The following ANK2 variants were observed in gnomAD, a reference collection of about 807,000 sequenced individuals.
The protein encoded by ANK2 is ankyrin-2.
A neutral mutation model predicts 360.5 loss-of-function variants in ANK2; 83 were observed. The ratio of observed to expected loss-of-function variants is 0.23; its 90% confidence interval spans 0.19 to 0.28. The LOEUF is 0.28. Among genes scored for constraint, ANK2 ranks in the 10% least tolerant of loss-of-function variants. ANK2 has a pLI of 1.00. For synonymous variants in ANK2, 1,740 were observed against 1,759.5 expected (o/e 0.99, Z 0.28); for missense variants, 4,201 against 4,795.7 (o/e 0.88, Z 3.66).
At chr4:113,192,157 G>T (rs917516763) in intron 2 of ANK2, among the ~76,000 whole-genome samples, 1 of 152,054 alleles carries the variant, frequency 6.6e-6, no homozygotes, top group African/African-American at 2.4e-5. Context: ...GTGGTTTGCC[G>T]CATCTATCAA....
In ANK2 at chr4:113,228,019, C is replaced by T. The variant is rs374001441; in HGVS notation, c.385-4142C>T. ...AGTCACATTCATTTTTATCATTCTT[C>T]GCATTTGCTCCCCTATTCTGCTGGA... On this transcript the variant is annotated intron_variant, in intron 4 of 45. Transcript: ENST00000357077. Among the ~76,000 whole-genome samples the T allele has an allele frequency of 3.0e-4, 45 of 152,278 alleles. No individual in the cohort carries two copies. The South Asian group carries it at 7.7e-3, about 26-fold the overall frequency.
intron 1 of ANK2, among the ~76,000 whole-genome samples, chr4:113,067,559 T>C (rs1268825912): frequency 6.6e-6 from 1 of 152,154 alleles, no homozygotes; most frequent in Non-Finnish European, 1.5e-5. Flanking sequence ...TTAGGAACCA[T>C]CAGCATGGTG....
chr4:112,727,505 G>T, the ANK2 span, among the ~76,000 whole-genome samples: 1 of 151,228 alleles, frequency 6.6e-6, no homozygotes. Context: ...TATTAGACTA[G>T]AAATAAATAA....
Position 113,357,289 on chromosome 4 carries a change from C to T in ANK2, c.8671C>T (p.Pro2891Ser), listed in dbSNP as rs1349029297. ...ETFENLPKDC[P>S]SQDSSITTQT... ...ATTTGAGAACTTACCAAAGGACTGC[C>T]CCTCTCAAGACTCATCCATTACTAC... The change falls in exon 38 of 46, where the codon CCC (proline) becomes TCC (serine). Residue 2891 changes from proline to serine, a missense_variant. By Grantham distance (74) the Pro-to-Ser change is moderately conservative. This residue lies in a region of ANK2 where 2,642 missense variants were observed against 2,714.5 expected (regional missense o/e 0.97). Coordinates refer to ENST00000357077, the MANE Select transcript of ANK2 (RefSeq NM_001148.6). The T allele has an allele frequency of 1.9e-6, 3 of 1,614,018 alleles. No homozygotes were observed. The highest frequency in any genetic ancestry group is 1.7e-5 in the Admixed American group (1 of 60,024).
chr4:112,898,712 A>G (rs2082417021), intron 1 of ANK2, among the ~76,000 whole-genome samples: 1 of 152,208 alleles, frequency 6.6e-6, no homozygotes, highest in Non-Finnish European at 1.5e-5. Flanking sequence ...AATAATAAAA[A>G]CAAATGAAAG....
At chr4:112,737,944 A>G in the ANK2 span, among the ~76,000 whole-genome samples, 1 of 152,210 alleles carries the variant, frequency 6.6e-6, no homozygotes, top group East Asian at 1.9e-4. Flanking sequence ...AAATAGCAGG[A>G]GATTTGGTTC....
intron 1 of ANK2, among the ~76,000 whole-genome samples, chr4:113,142,615 T>G (rs2096672815): frequency 6.6e-6 from 1 of 152,066 alleles, no homozygotes; most frequent in Admixed American, 6.6e-5. Flanking sequence ...GGTTCAGGGA[T>G]CACTACATGG....
rs116035564 is a variant in ANK2, at chr4:113,096,070, C to T, written c.84+46258C>T. Among the ~76,000 whole-genome samples, 1,369 of 152,254 alleles carry T rather than the reference C, an allele frequency of 9.0e-3. 21 individuals carry two copies. Among genetic ancestry groups the T allele is most frequent in the African/African-American group, 0.031 (1,270 of 41,542 alleles). On this transcript the variant is annotated intron_variant, in intron 1 of 45. Coordinates refer to ENST00000357077, the MANE Select transcript of ANK2 (RefSeq NM_001148.6). ...CTCCAGCGTCTTACAAAGTTCATCCCGATTCTTCCTATAGGGTTCAAATAT... is the reference window on the plus strand; with the variant it reads ...CTCCAGCGTCTTACAAAGTTCATCCTGATTCTTCCTATAGGGTTCAAATAT...
chr4:112,763,287 T>C, the ANK2 span, among the ~76,000 whole-genome samples: 1 of 151,030 alleles, frequency 6.6e-6, no homozygotes, highest in Non-Finnish European at 1.5e-5. Context: ...TGGAGTGCAG[T>C]GGGCGATCTC....
chr4:113,236,571 T>A (rs973371178), intron 5 of ANK2, among the ~76,000 whole-genome samples: 5 of 152,216 alleles, frequency 3.3e-5, no homozygotes, highest in African/African-American at 1.2e-4. Context: ...GTCAATCATA[T>A]ATTTTATTTC....
chr4:112,740,777 G>A, the ANK2 span, among the ~76,000 whole-genome samples: 2 of 151,910 alleles, frequency 1.3e-5, no homozygotes, highest in African/African-American at 4.8e-5. Flanking sequence ...AGTTTGAGAG[G>A]CCAAAAGTTC....
intron 6 of ANK2, 41 bp downstream of exon 6, chr4:113,237,213 G>A (rs755823166): frequency 5.1e-6 from 8 of 1,581,870 alleles, no homozygotes; most frequent in African/African-American, 1.3e-5. Flanking sequence ...GAACTCTTTG[G>A]CTGCCAGACT....
chr4:113,342,077 T>G (rs2094361364), intron 33 of ANK2, among the ~76,000 whole-genome samples, 161 bp downstream of exon 33: 1 of 152,236 alleles, frequency 6.6e-6, no homozygotes, highest in African/African-American at 2.4e-5. Context: ...TCTGCCATTT[T>G]TAGCCATTTT....
chr4:113,244,530 G>A (rs1436256177), intron 9 of ANK2, among the ~76,000 whole-genome samples: 1 of 152,160 alleles, frequency 6.6e-6, no homozygotes, highest in Non-Finnish European at 1.5e-5. Context: ...ATTGGGAAGA[G>A]GTGTGCAAAA....
chr4:112,843,347 C>G lies in ANK2; in HGVS notation c.-40+25083C>G, dbSNP rs75337517. ...TTTTTCTGTTTTCATCCCAAGTACC[C>G]AAAGCTCCATTAAGATCTCACATTT... On this transcript the variant is annotated intron_variant, in intron 1 of 30. Transcript: ENST00000503271. Among the ~76,000 whole-genome samples, 127 of 152,240 alleles carry G rather than the reference C, an allele frequency of 8.3e-4. 2 individuals carry two copies. In the East Asian group the frequency reaches 0.024, roughly 28 times the overall value.
intron 1 of ANK2, among the ~76,000 whole-genome samples, chr4:112,855,263 C>T (rs1015326009): frequency 6.6e-6 from 1 of 152,194 alleles, no homozygotes; most frequent in Non-Finnish European, 1.5e-5. Context: ...CTGTGTTCTT[C>T]TGTAATCTCT....
At chr4:113,231,033 C>G (rs898759560) in intron 4 of ANK2, among the ~76,000 whole-genome samples, 2 of 151,016 alleles carry the variant, frequency 1.3e-5, no homozygotes, top group Non-Finnish European at 2.9e-5. Flanking sequence ...GAAATATAGA[C>G]TTTTACATTT....
At chr4:112,807,908 TGGGATTTATAATTG>T in the ANK2 span, among the ~76,000 whole-genome samples, 1 of 152,244 alleles carries the variant, frequency 6.6e-6, no homozygotes, top group African/African-American at 2.4e-5. Context: ...AAAATAGAAT[TGGGATTTATAATTG>T]GGCTGAAATG....
intron 1 of ANK2, among the ~76,000 whole-genome samples, chr4:112,892,080 G>T (rs553609982): frequency 1.3e-5 from 2 of 152,094 alleles, no homozygotes; most frequent in African/African-American, 4.8e-5. Context: ...TGGGAATTGG[G>T]GTAGGAGAAA....
Sources: gnomAD v4.1 joint callset for allele counts (sites outside exome capture counted in the v4.1 genomes callset) on GRCh38, gnomAD v4.1.1 for gene constraint, gnomAD v4.1.1 regional missense constraint, MANE v1.5 for transcripts, NCBI Gene and HGNC (gene_info 2026-07-23, HGNC 2026-07-21) for gene names.